Variants in RRAS2 observed in about 807,000 individuals in gnomAD.
RRAS2 encodes RAS related 2.
A neutral mutation model predicts 27.6 loss-of-function variants in RRAS2; 7 were observed. The ratio of observed to expected loss-of-function variants is 0.25; its 90% CI spans 0.14 to 0.48. The LOEUF (loss-of-function observed/expected upper bound fraction) is 0.48, where lower values mean the gene tolerates loss of function less well. Ranked by LOEUF, RRAS2 falls within the 20% of genes least tolerant of loss-of-function variation. The probability of loss-of-function intolerance (pLI) is 0.99; values close to 1 mark genes in which losing one functional copy is unlikely to be tolerated. For missense variants in RRAS2, 178 were observed against 256.2 expected (o/e 0.69, Z 2.08); for synonymous variants, 86 against 90.9 (o/e 0.95, Z 0.31).
chr11:14,317,938 G>C (rs1848147136), intron 1 of RRAS2, among the ~76,000 whole-genome samples: 1 of 152,088 alleles, frequency 6.6e-6, no homozygotes, highest in Non-Finnish European at 1.5e-5. Context: ...CTCTAAATAA[G>C]TAAATAAATG....
chr11:14,281,763 T>A (rs1554944365), intron 4 of RRAS2, 43 bp from the exon 5 acceptor site: 1 of 1,498,134 alleles, frequency 6.7e-7, no homozygotes, highest in Admixed American at 2.0e-5. Context: ...TATTAACAAC[T>A]GGATTTGTTC....
At chr11:14,317,567 C>T (rs868925915) in intron 1 of RRAS2, among the ~76,000 whole-genome samples, 1 of 152,020 alleles carries the variant, frequency 6.6e-6, no homozygotes, top group Non-Finnish European at 1.5e-5. Context: ...GCAACAAAAG[C>T]GAAACTCCAT....
At chr11:14,335,780 T>C (rs1554952482) in intron 1 of RRAS2, among the ~76,000 whole-genome samples, 1 of 152,140 alleles carries the variant, frequency 6.6e-6, no homozygotes. Context: ...TTTTACAACA[T>C]ATATCCCAGA....
At chr11:14,308,923 T>A (rs1847892770) in intron 1 of RRAS2, among the ~76,000 whole-genome samples, 1 of 152,220 alleles carries the variant, frequency 6.6e-6, no homozygotes, top group African/African-American at 2.4e-5. Flanking sequence ...CTCAATTTCC[T>A]CACCTAAAAG....
upstream of RRAS2, among the ~76,000 whole-genome samples, chr11:14,362,595 A>G (rs1849205076): frequency 6.6e-6 from 1 of 152,244 alleles, no homozygotes; most frequent in South Asian, 2.1e-4. Context: ...TTTCCTTTTC[A>G]AGTAGCTGAC....
intron 1 of RRAS2, among the ~76,000 whole-genome samples, chr11:14,305,618 T>C (rs1365365122): frequency 1.3e-5 from 2 of 152,182 alleles, no homozygotes; most frequent in Non-Finnish European, 2.9e-5. Flanking sequence ...ACTGTATCTC[T>C]CTTCCCACTG....
At chr11:14,300,955 A>C (rs1591454095) in intron 1 of RRAS2, among the ~76,000 whole-genome samples, 1 of 152,204 alleles carries the variant, frequency 6.6e-6, no homozygotes, top group Non-Finnish European at 1.5e-5. Context: ...AAATTCTAGG[A>C]AACTCAGTGA....
At chr11:14,327,942 C>T (rs1216632218) in intron 1 of RRAS2, among the ~76,000 whole-genome samples, 3 of 151,996 alleles carry the variant, frequency 2.0e-5, no homozygotes, top group Admixed American at 2.0e-4. Flanking sequence ...CACAAAGAAG[C>T]CAAACTTAGA....
At chr11:14,297,361 C>T (rs906549383) in intron 1 of RRAS2, among the ~76,000 whole-genome samples, 4 of 152,184 alleles carry the variant, frequency 2.6e-5, no homozygotes, top group Non-Finnish European at 4.4e-5. Flanking sequence ...GAAACAAGCA[C>T]TCTTGAAGAG....
At chr11:14,340,245 C>G (rs978295666) in intron 1 of RRAS2, among the ~76,000 whole-genome samples, 29 of 151,724 alleles carry the variant, frequency 1.9e-4, no homozygotes, top group Non-Finnish European at 3.8e-4. Flanking sequence ...TACAGGCGCA[C>G]CCCACCATGC....
chr11:14,327,870 T>C (rs1848396767), intron 1 of RRAS2, among the ~76,000 whole-genome samples: 1 of 151,966 alleles, frequency 6.6e-6, no homozygotes, highest in Non-Finnish European at 1.5e-5. Context: ...CGGCAGGTAA[T>C]GAGAATGGAT....
intron 5 of RRAS2, among the ~76,000 whole-genome samples, chr11:14,280,582 T>C (rs1220209120): frequency 1.3e-5 from 2 of 151,476 alleles, no homozygotes; most frequent in African/African-American, 4.9e-5. Flanking sequence ...AAAGATTAGC[T>C]GGATGTGGTG....
At chr11:14,317,106 C>T (rs1848124745) in intron 1 of RRAS2, among the ~76,000 whole-genome samples, 1 of 152,182 alleles carries the variant, frequency 6.6e-6, no homozygotes, top group Non-Finnish European at 1.5e-5. Flanking sequence ...ACTATGGAGG[C>T]ATAGATGTTA....
chr11:14,362,003 A>T (rs1394473939), upstream of RRAS2, among the ~76,000 whole-genome samples: 1 of 152,244 alleles, frequency 6.6e-6, no homozygotes, highest in African/African-American at 2.4e-5. Context: ...ACCACATATT[A>T]TATAATTCCA....
intron 4 of RRAS2, among the ~76,000 whole-genome samples, chr11:14,290,396 C>T (rs1849779617): frequency 6.6e-6 from 1 of 152,118 alleles, no homozygotes; most frequent in Admixed American, 6.5e-5. Context: ...TTGCAGTGAG[C>T]GGAGATCGTG....
At chr11:14,301,291 C>T (rs1396856764) in intron 1 of RRAS2, among the ~76,000 whole-genome samples, 1 of 152,134 alleles carries the variant, frequency 6.6e-6, no homozygotes, top group Non-Finnish European at 1.5e-5. Flanking sequence ...CTGGTGGTAG[C>T]ACATAAGGAA....
intron 4 of RRAS2, among the ~76,000 whole-genome samples, chr11:14,291,344 T>C (rs1849811277): frequency 1.3e-5 from 2 of 151,888 alleles, no homozygotes; most frequent in Admixed American, 6.6e-5. Context: ...AAAGTGAGAG[T>C]AGTCAACATG....
At chr11:14,340,428 G>C (rs1246260325) in intron 1 of RRAS2, among the ~76,000 whole-genome samples, 1 of 151,822 alleles carries the variant, frequency 6.6e-6, no homozygotes, top group Non-Finnish European at 1.5e-5. Flanking sequence ...GAATCCCACA[G>C]GCTTTACCAA....
chr11:14,302,730 C>G (rs546667928), intron 1 of RRAS2, among the ~76,000 whole-genome samples: 1 of 152,188 alleles, frequency 6.6e-6, no homozygotes, highest in Non-Finnish European at 1.5e-5. Context: ...CCACTCTCCT[C>G]TTCCAGGACA....
Sources: gnomAD v4.1 joint callset for allele counts (sites outside exome capture counted in the v4.1 genomes callset) on GRCh38, gnomAD v4.1.1 for gene constraint, MANE v1.5 for transcripts, NCBI Gene and HGNC (gene_info 2026-07-23, HGNC 2026-07-21) for gene names.